The following ZNF623 variants were observed in gnomAD, a reference collection of about 807,000 sequenced individuals.
The protein encoded by ZNF623 is zinc finger protein 623.
In ZNF623, 16 loss-of-function variants were observed where a neutral mutation model predicts 24.0. The observed-to-expected ratio is 0.67, with a 90% CI of 0.45 to 1.01. ZNF623 has a LOEUF of 1.01. Ranked by LOEUF, ZNF623 falls within the 50% of genes least tolerant of loss-of-function variation. The pLI is 0.00. For synonymous variants in ZNF623, 224 were observed against 219.8 expected, an observed-to-expected ratio of 1.02 and a Z score of -0.17; for missense variants, 566 against 606.5, an observed-to-expected ratio of 0.93 and a Z score of 0.70.
rs1815272321 is a variant in ZNF623, at chr8:143,650,396, G to C, written c.404G>C (p.Gly135Ala). The stretch of plus-strand genomic sequence containing the variant: ...ATGGAGCATCAGAGAATTCACACTG[G>C]AGAGAGACTCTACGTCTGTAATGTG... ...HLMEHQRIHT[G>A]ERLYVCNVCG... is the part of the protein sequence containing the mutation. The change falls in exon 2 of 2, where the codon GGA (glycine) becomes GCA (alanine). Residue 135 changes from glycine (G) to alanine (A), a missense_variant. This residue lies in a region of ZNF623 where 313 missense variants were observed against 300.4 expected (regional missense o/e 1.04). Coordinates refer to ENST00000526926, the MANE Select transcript of ZNF623 (RefSeq NM_001261843.2). This position sits in a 1 kb window ranked among gnomAD's most constrained non-coding sequence, Gnocchi z 5.2. 1 of 1,614,204 alleles carries C rather than the reference G, an allele frequency of 6.2e-7. No individual in the cohort carries two copies. The highest frequency in any genetic ancestry group is 8.5e-7 in the Non-Finnish European group (1 of 1,180,046).
In ZNF623 at chr8:143,650,606, G is replaced by A. The variant is rs1587334444; in HGVS notation, c.614G>A (p.Ser205Asn). 2 of 1,613,044 alleles carry A rather than the reference G, an allele frequency of 1.2e-6. No individual in the cohort carries two copies. The highest frequency in any genetic ancestry group is 1.7e-6 in the Non-Finnish European group (2 of 1,179,748). The change falls in exon 2 of 2, where the codon AGT (serine) becomes AAT (asparagine). Residue 205 changes from serine to asparagine, a missense_variant. Ser to Asn is a conservative substitution (Grantham distance 46). This residue lies in a region of ZNF623 where 313 missense variants were observed against 300.4 expected (regional missense o/e 1.04). Coordinates refer to ENST00000526926, the MANE Select transcript of ZNF623 (RefSeq NM_001261843.2). The surrounding 1 kb of genome is among the most constrained non-coding windows in gnomAD (Gnocchi z 5.2). ...FECKECGKGF[S>N]QSSLLIRHQR... Reference sequence around the variant, plus strand: ...TGCAAAGAGTGTGGGAAAGGCTTCAGTCAGAGCTCCTTACTTATTCGCCAT... The same window carrying A: ...TGCAAAGAGTGTGGGAAAGGCTTCAATCAGAGCTCCTTACTTATTCGCCAT...
intron 1 of ZNF623, among the ~76,000 whole-genome samples, chr8:143,644,059 C>T (rs1402229300): frequency 1.3e-5 from 2 of 152,122 alleles, no homozygotes; most frequent in African/African-American, 4.8e-5. Flanking sequence ...CTCACTTTGT[C>T]ACCCAAGCTG....
intron 1 of ZNF623, among the ~76,000 whole-genome samples, chr8:143,648,392 C>T (rs1304829109): frequency 2.6e-5 from 4 of 151,802 alleles, no homozygotes; most frequent in Non-Finnish European, 5.9e-5. Flanking sequence ...GATATGGTGA[C>T]GTGGATGTTT....
intron 1 of ZNF623, among the ~76,000 whole-genome samples, chr8:143,638,864 A>G (rs994254904): frequency 6.6e-6 from 1 of 152,164 alleles, no homozygotes; most frequent in Non-Finnish European, 1.5e-5. Flanking sequence ...GTTCCAAAAC[A>G]AGAAACCAAC....
intron 1 of ZNF623, 48 bp from the exon 2 acceptor site, chr8:143,649,850 C>A (rs993184773): frequency 1.7e-5 from 27 of 1,578,564 alleles, no homozygotes; most frequent in Non-Finnish European, 2.3e-5. Flanking sequence ...CAGGAGATCC[C>A]CATCTGTTAA....
At chr8:143,637,538 A>C (rs958781683) in intron 1 of ZNF623, among the ~76,000 whole-genome samples, 6 of 49,766 alleles carry the variant, frequency 1.2e-4, no homozygotes, top group Admixed American at 2.7e-4. Context: ...TTCAAGTGAT[A>C]TTTATTTATT....
chr8:143,641,091 A>G lies in ZNF623; in HGVS notation c.-96+4946A>G, dbSNP rs546110934. Among the ~76,000 whole-genome samples the G allele has an allele frequency of 3.3e-5, 5 of 152,218 alleles. No individual in the cohort carries two copies. In the East Asian group the frequency reaches 9.7e-4, roughly 29 times the overall value. ...CACCACATCTATAGTTGCTTCCTCC[A>G]CTGAAGTCTCAAACCCCTCAAAGAT... is the stretch of plus-strand genomic sequence containing the variant. On this transcript the variant is annotated intron_variant, in intron 1 of 1. Coordinates refer to ENST00000526926, the MANE Select transcript of ZNF623 (RefSeq NM_001261843.2).
Position 143,650,108 on chromosome 8 carries a change from A to C in ZNF623, c.116A>C (p.Lys39Thr), listed in dbSNP as rs1330562682. ...TCCCCCTCTCAGGACAGGGGCTGCAAGCAGGTGACAGTGACCCATTGGAAG... is the reference window on the plus strand; with the variant it reads ...TCCCCCTCTCAGGACAGGGGCTGCACGCAGGTGACAGTGACCCATTGGAAG... ...GSSPSQDRGCKQVTVTHWKIQ... is the reference protein window; with the variant it reads ...GSSPSQDRGCTQVTVTHWKIQ... The change falls in exon 2 of 2, where the codon AAG becomes ACG. Residue 39 changes from lysine to threonine, a missense_variant. By Grantham distance (78) the Lys-to-Thr change is moderately conservative. Around this residue, in one of 3 missense-constraint regions of ZNF623, gnomAD observed 313 missense variants for 300.4 expected, o/e 1.04. Transcript: ENST00000526926. The surrounding 1 kb of genome is among the most constrained non-coding windows in gnomAD (Gnocchi z 5.2). The C allele has an allele frequency of 1.2e-6, 2 of 1,614,202 alleles. No homozygotes were observed. Among genetic ancestry groups the C allele is most frequent in the South Asian group, 2.2e-5 (2 of 91,084 alleles).
At chr8:143,638,401 A>G (rs1040250851) in intron 1 of ZNF623, among the ~76,000 whole-genome samples, 2 of 151,350 alleles carry the variant, frequency 1.3e-5, no homozygotes, top group African/African-American at 2.4e-5. Context: ...TAAGAGGCAC[A>G]CATATGGTTT....
Position 143,650,460 on chromosome 8 carries a change from GCAT to G in ZNF623, c.471_473del (p.His157del). The stretch of plus-strand genomic sequence containing the variant: ...TCATTCACTATTCAGGTCTCATTGA[GCAT>G]CAGCGCGTTCATTCAGGAGAAAAGC... On this transcript the variant is annotated inframe_deletion, in exon 2 of 2. Coordinates refer to ENST00000526926, the MANE Select transcript of ZNF623 (RefSeq NM_001261843.2). The surrounding 1 kb of genome is among the most constrained non-coding windows in gnomAD (Gnocchi z 5.2). The G allele has an allele frequency of 6.2e-7, 1 of 1,614,128 alleles. No individual in the cohort carries two copies. The highest frequency in any genetic ancestry group is 8.5e-7 in the Non-Finnish European group (1 of 1,180,020).
chr8:143,644,755 A>G (rs1815133024), intron 1 of ZNF623, among the ~76,000 whole-genome samples: 1 of 150,218 alleles, frequency 6.7e-6, no homozygotes, highest in Admixed American at 6.7e-5. Flanking sequence ...GCTTGAACCC[A>G]GGAGGCGGAG....
Position 143,649,884 on chromosome 8 carries a change from G to A in ZNF623, c.-95-14G>A, listed in dbSNP as rs1563701437. On this transcript the variant is annotated splice_polypyrimidine_tract_variant and intron_variant, in intron 1 of 1. Coordinates refer to ENST00000526926, the MANE Select transcript of ZNF623 (RefSeq NM_001261843.2). ...AAGTAAGGGGAAAGATGATTTTGTT[G>A]TCTTTTGTTTCAGATTCTAATGTAG... The A allele has an allele frequency of 2.5e-6, 4 of 1,600,194 alleles. No individual in the cohort carries two copies. Among genetic ancestry groups the A allele is most frequent in the South Asian group, 2.2e-5 (2 of 90,460 alleles).
At chr8:143,645,179 C>G (rs536754365) in intron 1 of ZNF623, among the ~76,000 whole-genome samples, 5 of 150,726 alleles carry the variant, frequency 3.3e-5, no homozygotes, top group African/African-American at 9.8e-5. Context: ...CGTGGTGGCT[C>G]ATGCCTGTAA....
At chr8:143,647,465 C>G (rs780633825) in intron 1 of ZNF623, among the ~76,000 whole-genome samples, 20 of 152,106 alleles carry the variant, frequency 1.3e-4, no homozygotes, top group Non-Finnish European at 2.4e-4. Flanking sequence ...CCCAGCCAGC[C>G]TTGCTGTTTT....
chr8:143,640,907 C>T (rs564043851), intron 1 of ZNF623, among the ~76,000 whole-genome samples: 52 of 148,234 alleles, frequency 3.5e-4, no homozygotes, highest in Non-Finnish European at 5.8e-4. Context: ...CACCACTCCA[C>T]TCTGCCTGGG....
chr8:143,643,163 C>T (rs935852773), intron 1 of ZNF623, among the ~76,000 whole-genome samples: 4 of 152,206 alleles, frequency 2.6e-5, no homozygotes, highest in Non-Finnish European at 4.4e-5. Context: ...CTCCTGCTCA[C>T]AGCCAGTAAG....
chr8:143,649,653 G>A (rs1815249119), intron 1 of ZNF623: 2 of 546,574 alleles, frequency 3.7e-6, no homozygotes, highest in Admixed American at 6.8e-5. Context: ...GGTCAGAGGA[G>A]TGTTGTGCAC....
rs1376121423 is a variant in ZNF623 at position 143,652,768 on chromosome 8, G to C, written c.*1285G>C. 4 of 167,104 alleles carry C rather than the reference G, an allele frequency of 2.4e-5. No homozygotes were observed. Among genetic ancestry groups the C allele is most frequent in the Non-Finnish European group, 4.4e-5 (3 of 68,122 alleles). The allele number at this position is 167,104 out of a possible 1,614,324, so 10.4% of individuals were successfully genotyped here. On this transcript the variant is annotated 3_prime_UTR_variant, in exon 2 of 2. Transcript: ENST00000526926. ...CAATGCGCTACGTAACTCTTCTGTTGTAGCAGTTCTGAGGTTGAACTGAGC... is the reference window on the plus strand; with the variant it reads ...CAATGCGCTACGTAACTCTTCTGTTCTAGCAGTTCTGAGGTTGAACTGAGC...
rs1007126042 is a variant in ZNF623 at position 143,650,980 on chromosome 8, A to G, written c.988A>G (p.Thr330Ala). 6.2e-6 allele frequency: 10 copies of G among 1,613,996 alleles called. No individual in the cohort carries two copies. The highest frequency in any genetic ancestry group is 8.5e-6 in the Non-Finnish European group (10 of 1,180,034). ...SNFTQHQRIH[T>A]GEKLYECNEC... ...CTTCACCCAGCATCAGAGAATTCAC[A>G]CTGGAGAGAAACTCTATGAATGTAA... The change falls in exon 2 of 2, where the codon ACT becomes GCT. Residue 330 changes from threonine (T) to alanine (A), a missense_variant. Coordinates refer to ENST00000526926, the MANE Select transcript of ZNF623 (RefSeq NM_001261843.2). The surrounding 1 kb of genome is among the most constrained non-coding windows in gnomAD (Gnocchi z 5.2).
Sources: allele counts gnomAD v4.1 joint callset (sites outside exome capture counted in the v4.1 genomes callset), GRCh38; gene constraint gnomAD v4.1.1; regional missense constraint gnomAD v4.1.1; non-coding constraint Gnocchi (gnomAD v3.1); transcripts MANE v1.5; gene names NCBI Gene and HGNC (gene_info 2026-07-23, HGNC 2026-07-21).